Variants in SGK1 observed in about 807,000 individuals in gnomAD.
SGK1 encodes serum/glucocorticoid regulated kinase 1, also known as serine/threonine-protein kinase Sgk1.
In SGK1, 26 loss-of-function variants were observed where a neutral mutation model predicts 64.2. That is an observed-to-expected ratio of 0.40 (90% CI 0.30 to 0.56). The LOEUF is 0.56. Ranked by LOEUF, SGK1 falls within the 20% of genes least tolerant of loss-of-function variation. The probability of loss-of-function intolerance (pLI) is 0.38; values close to 1 mark genes in which losing one functional copy is unlikely to be tolerated. For synonymous variants in SGK1, 265 were observed against 239.7 expected, an observed-to-expected ratio of 1.11 and a Z score of -0.98; for missense variants, 519 against 645.6, an observed-to-expected ratio of 0.80 and a Z score of 2.12.
chr6:134,217,122 C>T (rs1234142144), intron 2 of SGK1, among the ~76,000 whole-genome samples: 1 of 152,110 alleles, frequency 6.6e-6, no homozygotes, highest in Non-Finnish European at 1.5e-5. Flanking sequence ...AGGGAGTTGA[C>T]AGAGCACGAA....
At chr6:134,194,864 G>A (rs1775573669) in intron 3 of SGK1, among the ~76,000 whole-genome samples, 1 of 152,098 alleles carries the variant, frequency 6.6e-6, no homozygotes, top group Non-Finnish European at 1.5e-5. Context: ...CCTGTATTAT[G>A]AGATAAACTT....
At chr6:134,309,204 TG>T (rs1349238275) in intron 1 of SGK1, among the ~76,000 whole-genome samples, 2 of 152,214 alleles carry the variant, frequency 1.3e-5, no homozygotes, top group Non-Finnish European at 2.9e-5. Context: ...CATTTCCCTT[TG>T]TTGTAAATAC....
chr6:134,217,778 T>C (rs1173659715), intron 2 of SGK1, among the ~76,000 whole-genome samples: 3 of 152,214 alleles, frequency 2.0e-5, no homozygotes, highest in African/African-American at 7.2e-5. Context: ...ATCACATTTA[T>C]ATAACATGAG....
Position 134,174,317 on chromosome 6 carries a change from C to T in SGK1, c.437+194G>A, listed in dbSNP as rs1775138024. ...CGGCCAACACGAACCATTTATCTTA[C>T]ATCTCCAGTTCAAGCCAAATCAGCA... On this transcript the variant is annotated intron_variant, in intron 4 of 13. Coordinates refer to ENST00000367858, the MANE Select transcript of SGK1 (RefSeq NM_001143676.3). 9.9e-6 allele frequency: 6 copies of T among 607,374 alleles called. No homozygotes were observed. The Middle Eastern group carries it at 1.3e-3, about 132-fold the overall frequency. The allele number at this position is 607,374 out of a possible 1,614,324, so 37.6% of individuals were successfully genotyped here.
intron 2 of SGK1, among the ~76,000 whole-genome samples, chr6:134,216,406 T>G (rs1775985168): frequency 6.6e-6 from 1 of 152,218 alleles, no homozygotes; most frequent in Non-Finnish European, 1.5e-5. Context: ...CTCAAATTGC[T>G]TTAGTGAGGC....
chr6:134,287,350 T>TA (rs1368027463), intron 1 of SGK1, among the ~76,000 whole-genome samples: 1 of 152,072 alleles, frequency 6.6e-6, no homozygotes, highest in Non-Finnish European at 1.5e-5. Flanking sequence ...ATAATTTTTT[T>TA]ATGTTTGTTA....
chr6:134,235,319 T>C (rs555447257), intron 2 of SGK1, among the ~76,000 whole-genome samples: 1 of 152,262 alleles, frequency 6.6e-6, no homozygotes, highest in East Asian at 1.9e-4. Flanking sequence ...ATTCAGGTCC[T>C]TGGGGAATAT....
chr6:134,216,725 G>A (rs1036370464), intron 2 of SGK1, among the ~76,000 whole-genome samples: 1 of 152,194 alleles, frequency 6.6e-6, no homozygotes, highest in African/African-American at 2.4e-5. Context: ...CTAATGTTTT[G>A]TCAGAGTTTA....
intron 1 of SGK1, among the ~76,000 whole-genome samples, chr6:134,296,776 CAAAAAAAAAAAAA>C (rs869144600): frequency 1.5e-5 from 1 of 66,738 alleles, no homozygotes; most frequent in Non-Finnish European, 3.0e-5. Flanking sequence ...TATTTTGGAC[CAAAAAAAAAAAAA>C]AAAAAAAAAC....
chr6:134,209,608 A>G (rs1775852053), intron 2 of SGK1, among the ~76,000 whole-genome samples: 1 of 152,198 alleles, frequency 6.6e-6, no homozygotes, highest in African/African-American at 2.4e-5. Context: ...TGCAACAATA[A>G]TCAAAATACT....
intron 2 of SGK1, chr6:134,257,213 G>C (rs912882888): frequency 6.6e-6 from 1 of 152,562 alleles, no homozygotes; most frequent in Non-Finnish European, 1.5e-5. Context: ...GATCACCTGA[G>C]GTTGGGAGTT....
At chr6:134,204,387 AAAGT>A (rs1026576695) in intron 3 of SGK1, among the ~76,000 whole-genome samples, 48 of 151,388 alleles carry the variant, frequency 3.2e-4, no homozygotes, top group Middle Eastern at 3.4e-3. Context: ...TGATGAAGGA[AAAGT>A]AATAAAAACG....
chr6:134,242,620 T>A (rs912665703), intron 2 of SGK1, among the ~76,000 whole-genome samples: 13 of 152,022 alleles, frequency 8.6e-5, no homozygotes, highest in South Asian at 4.1e-4. Context: ...TAAATTTTTT[T>A]AATTTAAATT....
At chr6:134,307,477 C>A (rs1237079672) in intron 1 of SGK1, among the ~76,000 whole-genome samples, 1 of 152,094 alleles carries the variant, frequency 6.6e-6, no homozygotes, top group Non-Finnish European at 1.5e-5. Context: ...ATTCCAGGAC[C>A]CCTGCAGATC....
intron 2 of SGK1, among the ~76,000 whole-genome samples, chr6:134,254,146 T>C (rs1048027377): frequency 7.1e-6 from 1 of 140,806 alleles, no homozygotes; most frequent in Non-Finnish European, 1.5e-5. Flanking sequence ...AAAAAATGCA[T>C]CAACAAAGTA....
At chr6:134,182,624 C>T (rs1389559407) in intron 3 of SGK1, among the ~76,000 whole-genome samples, 2 of 152,122 alleles carry the variant, frequency 1.3e-5, no homozygotes, top group African/African-American at 2.4e-5. Context: ...ACAACACTGT[C>T]GCACAGTGCA....
At chr6:134,291,937 C>T (rs1045536730) in intron 1 of SGK1, among the ~76,000 whole-genome samples, 6 of 151,842 alleles carry the variant, frequency 4.0e-5, no homozygotes, top group Non-Finnish European at 7.4e-5. Context: ...CATGGTGGCA[C>T]GTGCTTTTAA....
At chr6:134,299,444 CAT>C (rs1181332328) in intron 1 of SGK1, among the ~76,000 whole-genome samples, 2 of 152,246 alleles carry the variant, frequency 1.3e-5, no homozygotes, top group African/African-American at 2.4e-5. Flanking sequence ...GCTCTGGAAA[CAT>C]ATGCAGAATT....
intron 1 of SGK1, among the ~76,000 whole-genome samples, chr6:134,309,018 C>T (rs1275289423): frequency 6.6e-6 from 1 of 152,054 alleles, no homozygotes; most frequent in Non-Finnish European, 1.5e-5. Context: ...GGGTGAATGC[C>T]CTGACCTAGG....
Sources: allele counts gnomAD v4.1 joint callset (sites outside exome capture counted in the v4.1 genomes callset), GRCh38; gene constraint gnomAD v4.1.1; transcripts MANE v1.5; gene names NCBI Gene and HGNC (gene_info 2026-07-23, HGNC 2026-07-21).